PAPPA2: variants seen among roughly 807,000 people sequenced by gnomAD.
PAPPA2 encodes the protein pappalysin 2.
A neutral mutation model predicts 176.4 loss-of-function variants in PAPPA2; 86 were observed. The observed-to-expected ratio is 0.49, with a 90% CI of 0.41 to 0.58. The LOEUF (loss-of-function observed/expected upper bound fraction) is 0.58, where lower values mean the gene tolerates loss of function less well. PAPPA2 is among the 20% of genes least tolerant of loss of function. PAPPA2 has a pLI of 0.00. For synonymous variants in PAPPA2, 809 were observed against 852.2 expected, an observed-to-expected ratio of 0.95 and a Z score of 0.88; for missense variants, 2,073 against 2,256.9, an observed-to-expected ratio of 0.92 and a Z score of 1.65.
In PAPPA2 at chr1:176,793,533, C is replaced by G. The variant is rs771687403; in HGVS notation, c.5021-27C>G. The stretch of plus-strand genomic sequence containing the variant: ...AGAATGAGATCTGGGAAGTTCAAGT[C>G]TCTGCTGTAAACTTCTGTTCTTTCA... On this transcript the variant is annotated intron_variant, in intron 19 of 22. Coordinates refer to ENST00000367662, the MANE Select transcript of PAPPA2 (RefSeq NM_020318.3). 3.2e-6 allele frequency: 5 copies of G among 1,557,752 alleles called. No homozygotes were observed. In the South Asian group the frequency reaches 4.5e-5, roughly 14 times the overall value.
intron 1 of PAPPA2, among the ~76,000 whole-genome samples, chr1:176,514,750 A>T (rs528096387): frequency 1.4e-3 from 219 of 152,356 alleles, no homozygotes; most frequent in Non-Finnish European, 1.3e-3. Flanking sequence ...TTTGAATCAA[A>T]TTTTAGGCAT....
intron 11 of PAPPA2, 59 bp from the exon 12 acceptor site, chr1:176,711,776 G>T: frequency 6.5e-7 from 1 of 1,532,666 alleles, no homozygotes; most frequent in Non-Finnish European, 9.0e-7. Context: ...GAGTTTCATT[G>T]TCCTTACTTA....
intron 4 of PAPPA2, among the ~76,000 whole-genome samples, chr1:176,677,084 T>C (rs1266593344): frequency 1.3e-5 from 2 of 152,098 alleles, no homozygotes; most frequent in Non-Finnish European, 2.9e-5. Flanking sequence ...CAATAGGAAA[T>C]TGTTTGTGTT....
chr1:176,775,023 C>T (rs1158074906), intron 17 of PAPPA2, among the ~76,000 whole-genome samples: 1 of 152,148 alleles, frequency 6.6e-6, no homozygotes, highest in Admixed American at 6.5e-5. Context: ...CTAACTCCTA[C>T]TCTCTTATTT....
chr1:176,633,111 G>C (rs979281004), intron 3 of PAPPA2, among the ~76,000 whole-genome samples: 1 of 152,208 alleles, frequency 6.6e-6, no homozygotes, highest in Non-Finnish European at 1.5e-5. Flanking sequence ...CATTGAAGCA[G>C]AGAGAGGTAA....
At chr1:176,621,307 A>G (rs989552131) in intron 3 of PAPPA2, among the ~76,000 whole-genome samples, 1 of 152,176 alleles carries the variant, frequency 6.6e-6, no homozygotes, top group African/African-American at 2.4e-5. Flanking sequence ...ATGAAAGATG[A>G]CAAGCCCCAA....
intron 1 of PAPPA2, among the ~76,000 whole-genome samples, chr1:176,467,272 G>T (rs996857301): frequency 2.0e-5 from 3 of 152,316 alleles, no homozygotes; most frequent in African/African-American, 7.2e-5. Flanking sequence ...TGTTGTTTAT[G>T]CAGTCCGTTG....
intron 1 of PAPPA2, among the ~76,000 whole-genome samples, chr1:176,502,515 C>A (rs1424497971): frequency 1.3e-5 from 2 of 152,024 alleles, no homozygotes; most frequent in Non-Finnish European, 2.9e-5. Context: ...ATGTATTATT[C>A]TTAATAGTAT....
intron 1 of PAPPA2, among the ~76,000 whole-genome samples, chr1:176,498,241 T>A (rs975832758): frequency 3.9e-5 from 6 of 152,172 alleles, no homozygotes; most frequent in African/African-American, 1.4e-4. Context: ...AGTGTCCTTT[T>A]CCTCGGGGCA....
rs756943504 is a variant in PAPPA2, at chr1:176,743,608, A to G, written c.4151+3412A>G. The stretch of plus-strand genomic sequence containing the variant: ...TTGATGGCTTTGGGAAGTGGAAACT[A>G]TCTATTTTATTAATGTAATGGGATT... On this transcript the variant is annotated intron_variant, in intron 14 of 22. Coordinates refer to ENST00000367662, the MANE Select transcript of PAPPA2 (RefSeq NM_020318.3). 8.5e-5 allele frequency among the ~76,000 whole-genome samples: 13 copies of G among 152,184 alleles called. No individual in the cohort carries two copies. The East Asian group carries it at 2.5e-3, about 29-fold the overall frequency.
At chr1:176,740,803 C>T (rs1662645228) in intron 14 of PAPPA2, among the ~76,000 whole-genome samples, 1 of 152,114 alleles carries the variant, frequency 6.6e-6, no homozygotes, top group African/African-American at 2.4e-5. Flanking sequence ...GAAGGAGCCT[C>T]CCAAACACAA....
At chr1:176,623,346 T>C (rs1248629174) in intron 3 of PAPPA2, among the ~76,000 whole-genome samples, 1 of 152,184 alleles carries the variant, frequency 6.6e-6, no homozygotes, top group Non-Finnish European at 1.5e-5. Flanking sequence ...TCCATGTGTG[T>C]TTCTGATAAT....
intron 2 of PAPPA2, among the ~76,000 whole-genome samples, chr1:176,558,412 G>C (rs1158987251): frequency 6.6e-6 from 1 of 152,176 alleles, no homozygotes; most frequent in Admixed American, 6.5e-5. Context: ...AAAGAAGTCG[G>C]CAAGGAGGGA....
At chr1:176,480,043 T>A (rs1652317559) in intron 1 of PAPPA2, among the ~76,000 whole-genome samples, 1 of 152,198 alleles carries the variant, frequency 6.6e-6, no homozygotes. Context: ...TCCAGCTGCC[T>A]GACAACCTCT....
intron 3 of PAPPA2, among the ~76,000 whole-genome samples, chr1:176,634,073 C>T (rs1393261502): frequency 6.6e-6 from 1 of 152,174 alleles, no homozygotes; most frequent in Non-Finnish European, 1.5e-5. Context: ...TACCATTTGA[C>T]CCAGCCATCC....
chr1:176,540,281 G>A (rs1225179293), intron 1 of PAPPA2, among the ~76,000 whole-genome samples: 1 of 152,170 alleles, frequency 6.6e-6, no homozygotes, highest in Non-Finnish European at 1.5e-5. Flanking sequence ...AGCTACTGGG[G>A]CTACCTACAT....
At chr1:176,706,583 G>T (rs2102828364) in intron 10 of PAPPA2, 133 bp downstream of exon 10, 1 of 723,918 alleles carries the variant, frequency 1.4e-6, no homozygotes, top group South Asian at 1.9e-5. Context: ...TGTATGCCAG[G>T]CATGAATTGT....
At chr1:176,598,362 A>G (rs1423975420) in intron 3 of PAPPA2, among the ~76,000 whole-genome samples, 1 of 152,098 alleles carries the variant, frequency 6.6e-6, no homozygotes, top group South Asian at 2.1e-4. Flanking sequence ...ATTTCTGATG[A>G]TACAGACAAG....
intron 2 of PAPPA2, among the ~76,000 whole-genome samples, chr1:176,568,980 C>A (rs995250620): frequency 6.6e-6 from 1 of 152,184 alleles, no homozygotes; most frequent in Non-Finnish European, 1.5e-5. Context: ...CTTAAGGTGT[C>A]ATATGAGACC....
Sources: gnomAD v4.1 joint callset for allele counts (sites outside exome capture counted in the v4.1 genomes callset) on GRCh38, gnomAD v4.1.1 for gene constraint, MANE v1.5 for transcripts, NCBI Gene and HGNC (gene_info 2026-07-23, HGNC 2026-07-21) for gene names.